The following EFHB variants were observed in gnomAD, a reference collection of about 807,000 sequenced individuals.
EFHB encodes EF-hand domain-containing family member B.
In EFHB, 91 loss-of-function variants were observed where a neutral mutation model predicts 87.2. That is an observed-to-expected ratio of 1.04 (90% CI 0.88 to 1.24). EFHB has a LOEUF of 1.24. Among genes scored for constraint, EFHB ranks in the 50% most tolerant of loss-of-function variants. The probability of loss-of-function intolerance (pLI) is 0.00; values close to 1 mark genes in which losing one functional copy is unlikely to be tolerated. For missense variants in EFHB, 1,084 were observed against 998.8 expected, an observed-to-expected ratio of 1.09 and a Z score of -1.15; for synonymous variants, 325 against 333.6, an observed-to-expected ratio of 0.97 and a Z score of 0.28.
rs1048965734 is a variant in EFHB at position 19,918,692 on chromosome 3, G to A, written c.997-280C>T. ...TTGACTCAAATATTTAAGAAAAGTGGTGCCAGGTGTAGTGGCTGACGCCTG... is the reference window on the plus strand; with the variant it reads ...TTGACTCAAATATTTAAGAAAAGTGATGCCAGGTGTAGTGGCTGACGCCTG... On this transcript the variant is annotated intron_variant, in intron 3 of 12. Transcript: ENST00000295824. 5.9e-5 allele frequency among the ~76,000 whole-genome samples: 9 copies of A among 151,894 alleles called. 1 individual carries two copies. The East Asian group carries it at 1.7e-3, about 29-fold the overall frequency.
At chr3:19,904,657 A>G (rs983022519) in intron 6 of EFHB, among the ~76,000 whole-genome samples, 1 of 152,126 alleles carries the variant, frequency 6.6e-6, no homozygotes, top group Non-Finnish European at 1.5e-5. Context: ...CTTCCCCTCT[A>G]TGGATACTGA....
At position 19,933,410 on chromosome 3, in the gene EFHB, A is replaced by T. The variant is rs1695899483; in HGVS notation, c.609T>A (p.Asp203Glu). Residue 203 changes from aspartate (D) to glutamate (E), a missense_variant, in exon 1 of 13, where the codon GAT becomes GAA. Physicochemically the swap from Asp to Glu is conservative, Grantham distance 45. Transcript: ENST00000295824. ...TTTGGGGCTCTGTATTCTTAGTCTC[A>T]TCTGGCCCCTCGGCTTGGGTTAGTC... ...DIGLTQAEGP[D>E]ETKNTEPQMG... The T allele has an allele frequency of 3.1e-6, 5 of 1,614,016 alleles. No individual in the cohort carries two copies. In the African/African-American group the frequency reaches 5.3e-5, roughly 17 times the overall value.
chr3:19,913,698 A>G (rs964667469), intron 5 of EFHB, among the ~76,000 whole-genome samples: 7 of 152,216 alleles, frequency 4.6e-5, no homozygotes, highest in African/African-American at 1.7e-4. Flanking sequence ...AAAAAATCCT[A>G]AAGTGTATAT....
intron 10 of EFHB, among the ~76,000 whole-genome samples, chr3:19,887,682 C>T (rs926824216): frequency 6.6e-5 from 10 of 152,010 alleles, no homozygotes; most frequent in African/African-American, 2.2e-4. Context: ...AATCTCATAG[C>T]GTTTTAAGAA....
chr3:19,890,765 G>A (rs113852663), intron 9 of EFHB, among the ~76,000 whole-genome samples: 242 of 152,230 alleles, frequency 1.6e-3, no homozygotes, highest in African/African-American at 5.4e-3. Context: ...GAGGTGCACC[G>A]TGAAGTTTAG....
chr3:19,931,308 A>T (rs568074550), intron 1 of EFHB, among the ~76,000 whole-genome samples: 3 of 152,298 alleles, frequency 2.0e-5, no homozygotes, highest in Non-Finnish European at 4.4e-5. Flanking sequence ...TTGTCCTATC[A>T]CATTTAGAAA....
At chr3:19,908,415 C>T (rs1446933560) in intron 5 of EFHB, among the ~76,000 whole-genome samples, 1 of 151,912 alleles carries the variant, frequency 6.6e-6, no homozygotes, top group Non-Finnish European at 1.5e-5. Context: ...CGCCTGTAAT[C>T]CCAGCTACTT....
intron 9 of EFHB, among the ~76,000 whole-genome samples, chr3:19,893,703 T>A (rs1320496239): frequency 6.6e-6 from 1 of 152,194 alleles, no homozygotes; most frequent in Non-Finnish European, 1.5e-5. Flanking sequence ...CAGCAGAGAA[T>A]GACCCTAGTT....
chr3:19,902,857 A>T (rs1266911792), intron 6 of EFHB, among the ~76,000 whole-genome samples: 4 of 152,172 alleles, frequency 2.6e-5, no homozygotes, highest in Non-Finnish European at 4.4e-5. Flanking sequence ...CTCTACTGCT[A>T]GCAATAACAT....
intron 1 of EFHB, among the ~76,000 whole-genome samples, chr3:19,927,526 AACTT>A (rs1695673326): frequency 6.6e-6 from 1 of 152,198 alleles, no homozygotes; most frequent in Non-Finnish European, 1.5e-5. Context: ...ACTAAACACC[AACTT>A]TGGGCAGCAA....
chr3:19,943,862 T>C (rs1164728914), intron 1 of EFHB, among the ~76,000 whole-genome samples: 5 of 152,240 alleles, frequency 3.3e-5, no homozygotes, highest in Admixed American at 2.0e-4. Flanking sequence ...GAACGATGCG[T>C]AATATCATAT....
chr3:19,909,260 G>A (rs1694973328), intron 5 of EFHB, among the ~76,000 whole-genome samples: 1 of 152,022 alleles, frequency 6.6e-6, no homozygotes, highest in Non-Finnish European at 1.5e-5. Flanking sequence ...CACCAGGGCA[G>A]GGAGAACACA....
chr3:19,925,705 A>G (rs1337912951), intron 1 of EFHB, among the ~76,000 whole-genome samples: 2 of 152,120 alleles, frequency 1.3e-5, no homozygotes, highest in East Asian at 1.9e-4. Context: ...TCTTTCATTT[A>G]TCATACAAGT....
chr3:19,898,364 C>A (rs976370497), intron 8 of EFHB, among the ~76,000 whole-genome samples: 6 of 152,112 alleles, frequency 3.9e-5, no homozygotes, highest in African/African-American at 1.4e-4. Context: ...TGGGATGGGG[C>A]CTGAGATTCT....
intron 4 of EFHB, among the ~76,000 whole-genome samples, chr3:19,915,846 G>A (rs1350451723): frequency 6.6e-6 from 1 of 152,062 alleles, no homozygotes; most frequent in Non-Finnish European, 1.5e-5. Flanking sequence ...GGAAGCACGT[G>A]CCTGTGGTCC....
At chr3:19,921,366 A>C (rs529872278) in intron 1 of EFHB, among the ~76,000 whole-genome samples, 29 of 152,260 alleles carry the variant, frequency 1.9e-4, no homozygotes, top group African/African-American at 7.0e-4. Context: ...GCCCACAGAC[A>C]TAGCCAGGCA....
chr3:19,933,084 A>T (rs1414529853), intron 1 of EFHB, 146 bp downstream of exon 1: 5 of 1,058,732 alleles, frequency 4.7e-6, no homozygotes, highest in Non-Finnish European at 5.3e-6. Context: ...ATCTGCAAAG[A>T]TTCCAGTGGG....
chr3:19,905,490 T>C (rs768138337), intron 6 of EFHB, 130 bp downstream of exon 6: 51 of 1,076,116 alleles, frequency 4.7e-5, no homozygotes, highest in Non-Finnish European at 6.5e-5. Context: ...GTTTTTTCTA[T>C]TTTTTTCTAG....
intron 9 of EFHB, among the ~76,000 whole-genome samples, chr3:19,892,957 CT>C (rs757481642): frequency 0.067 from 9,580 of 143,266 alleles, 904 homozygotes; most frequent in African/African-American, 0.22. Flanking sequence ...TCTCTATTTT[CT>C]TTTTTTTTTT....
Sources: allele counts gnomAD v4.1 joint callset (sites outside exome capture counted in the v4.1 genomes callset), GRCh38; gene constraint gnomAD v4.1.1; transcripts MANE v1.5; gene names NCBI Gene and HGNC (gene_info 2026-07-23, HGNC 2026-07-21).